The following SGCG variants were observed in gnomAD, a reference collection of about 807,000 sequenced individuals.
SGCG encodes gamma-sarcoglycan.
Under a neutral mutation model 29.3 loss-of-function variants are expected in SGCG, and 26 were observed. The observed-to-expected ratio is 0.89, with a 90% CI of 0.65 to 1.23. SGCG has a LOEUF of 1.23. Ranked by LOEUF, SGCG falls within the 50% of genes most tolerant of loss-of-function variation. The pLI, the probability that SGCG is intolerant of heterozygous loss-of-function variation, is 0.00. For synonymous variants in SGCG, 145 were observed against 129.7 expected, an observed-to-expected ratio of 1.12 and a Z score of -0.80; for missense variants, 353 against 356.0, an observed-to-expected ratio of 0.99 and a Z score of 0.07.
intron 4 of SGCG, among the ~76,000 whole-genome samples, chr13:23,255,987 C>T (rs1232086017): frequency 6.6e-6 from 1 of 152,170 alleles, no homozygotes; most frequent in Non-Finnish European, 1.5e-5. Flanking sequence ...CAACCAACAT[C>T]TTAGAAAGCC....
At chr13:23,289,979 T>A (rs951294254) in intron 5 of SGCG, among the ~76,000 whole-genome samples, 3 of 152,166 alleles carry the variant, frequency 2.0e-5, no homozygotes, top group African/African-American at 7.2e-5. Context: ...GAAGGTGACC[T>A]GGATTGGGTG....
chr13:23,241,148 C>CAAAAAAAAAA (rs150540516), intron 3 of SGCG, among the ~76,000 whole-genome samples: 1 of 95,622 alleles, frequency 1.0e-5, no homozygotes, highest in African/African-American at 4.2e-5. Flanking sequence ...GACTCCATCT[C>CAAAAAAAAAA]AAAAAAAAAA....
At chr13:23,299,653 T>C (rs369496534) in intron 6 of SGCG, among the ~76,000 whole-genome samples, 9 of 150,986 alleles carry the variant, frequency 6.0e-5, no homozygotes, top group East Asian at 2.0e-4. Flanking sequence ...GGGGTTTCAC[T>C]GTGTTAGCCA....
chr13:23,224,405 G>T (rs1269931708), intron 2 of SGCG, among the ~76,000 whole-genome samples: 1 of 152,078 alleles, frequency 6.6e-6, no homozygotes, highest in East Asian at 1.9e-4. Context: ...TCCAGATGGG[G>T]ATCTAGTCTA....
At chr13:23,210,113 CAATAAG>C (rs761955336) in intron 2 of SGCG, among the ~76,000 whole-genome samples, 6 of 152,126 alleles carry the variant, frequency 3.9e-5, no homozygotes, top group Non-Finnish European at 5.9e-5. Flanking sequence ...AGGGAAGCAG[CAATAAG>C]ATAACATTTA....
chr13:23,199,121 A>AT (rs1444679034), intron 1 of SGCG, among the ~76,000 whole-genome samples: 2 of 151,996 alleles, frequency 1.3e-5, no homozygotes, highest in Admixed American at 1.3e-4. Flanking sequence ...AAAAAAAAAA[A>AT]ATTAAATATA....
At chr13:23,304,756 A>G (rs1435781459) in intron 6 of SGCG, among the ~76,000 whole-genome samples, 2 of 152,112 alleles carry the variant, frequency 1.3e-5, no homozygotes, top group Non-Finnish European at 2.9e-5. Context: ...GGAGCCTGCC[A>G]TCATGCATGG....
chr13:23,173,167 T>C, the SGCG span, among the ~76,000 whole-genome samples: 9 of 152,188 alleles, frequency 5.9e-5, no homozygotes, highest in Non-Finnish European at 1.3e-4. Flanking sequence ...GGCAAGGATC[T>C]ACCCACTCAC....
intron 5 of SGCG, among the ~76,000 whole-genome samples, chr13:23,283,598 C>A (rs1200759119): frequency 6.6e-6 from 1 of 152,138 alleles, no homozygotes; most frequent in Admixed American, 6.6e-5. Flanking sequence ...TTAATTGGGG[C>A]ATTTAGCCCA....
At chr13:23,164,508 G>A in the SGCG span, among the ~76,000 whole-genome samples, 3 of 152,164 alleles carry the variant, frequency 2.0e-5, no homozygotes, top group Admixed American at 2.0e-4. Context: ...GAATATCTGA[G>A]GCCAGGTCAT....
chr13:23,168,552 G>A, the SGCG span, among the ~76,000 whole-genome samples: 5 of 152,294 alleles, frequency 3.3e-5, no homozygotes, highest in South Asian at 1.0e-3. Context: ...ACATAACGCA[G>A]CTTCTCAGTA....
the SGCG span, among the ~76,000 whole-genome samples, chr13:23,166,701 A>C: frequency 6.6e-6 from 1 of 152,270 alleles, no homozygotes; most frequent in Middle Eastern, 3.4e-3. Context: ...TCTGCTCTGC[A>C]CTTTTCATGG....
At chr13:23,176,616 A>G (rs2311500), upstream of SGCG, among the ~76,000 whole-genome samples, 1 of 117,062 alleles carries the variant, frequency 8.5e-6, no homozygotes, top group South Asian at 2.6e-4. Flanking sequence ...CTTGTAGTCT[A>G]TGTGTGTCCT....
intron 3 of SGCG, among the ~76,000 whole-genome samples, chr13:23,249,706 A>G (rs1450759755): frequency 1.3e-5 from 2 of 152,240 alleles, no homozygotes; most frequent in African/African-American, 4.8e-5. Context: ...TGATCTTGGT[A>G]GAAATGTGAT....
chr13:23,299,433 TA>T lies in SGCG; in HGVS notation c.578+3947del, dbSNP rs1882043524. 5.5e-4 allele frequency among the ~76,000 whole-genome samples: 17 copies of T among 30,788 alleles called. 2 individuals carry two copies. Among genetic ancestry groups the T allele is most frequent in the African/African-American group, 1.4e-3 (13 of 9,538 alleles). 20.2% of individuals were successfully genotyped at this position (30,788 alleles called of 152,430 possible). A position where few individuals can be genotyped will look rare whatever the true frequency, so the allele number is the denominator to read the frequency against. On this transcript the variant is annotated intron_variant, in intron 6 of 7. Coordinates refer to ENST00000218867, the MANE Select transcript of SGCG (RefSeq NM_000231.3). ...ATATATATATATATATATATATATA[TA>T]TATATATATATATATATATATATTT... is the stretch of plus-strand genomic sequence containing the variant.
intron 2 of SGCG, among the ~76,000 whole-genome samples, chr13:23,204,944 AT>A (rs1877930570): frequency 6.6e-6 from 1 of 152,024 alleles, no homozygotes; most frequent in African/African-American, 2.4e-5. Context: ...GACATCATAA[AT>A]AAATATTTAT....
At chr13:23,200,482 T>G (rs1276280148) in intron 1 of SGCG, among the ~76,000 whole-genome samples, 2 of 152,164 alleles carry the variant, frequency 1.3e-5, no homozygotes, top group Non-Finnish European at 2.9e-5. Context: ...TTGTATGTAG[T>G]TAATTCAGCA....
intron 3 of SGCG, among the ~76,000 whole-genome samples, chr13:23,239,102 C>T (rs1879413462): frequency 6.6e-6 from 1 of 151,786 alleles, no homozygotes; most frequent in African/African-American, 2.4e-5. Context: ...ATCTTTAAGC[C>T]TACAGATAAA....
intron 6 of SGCG, among the ~76,000 whole-genome samples, chr13:23,314,398 A>T (rs1364113870): frequency 7.2e-6 from 1 of 139,848 alleles, no homozygotes; most frequent in African/African-American, 2.7e-5. Context: ...ATATATATAT[A>T]TATATATATA....
Sources: allele counts gnomAD v4.1 joint callset (sites outside exome capture counted in the v4.1 genomes callset), GRCh38; gene constraint gnomAD v4.1.1; transcripts MANE v1.5; gene names NCBI Gene and HGNC (gene_info 2026-07-23, HGNC 2026-07-21).